Variants in NKAIN3 observed in about 807,000 individuals in gnomAD.
The protein encoded by NKAIN3 is sodium/potassium-transporting ATPase subunit beta-1-interacting protein 3.
Under a neutral mutation model 30.2 loss-of-function variants are expected in NKAIN3, and 25 were observed. The ratio of observed to expected loss-of-function variants is 0.83; its 90% CI spans 0.60 to 1.16. The LOEUF is 1.16. NKAIN3 is among the 50% of genes most tolerant of loss of function. The pLI is 0.00. For synonymous variants in NKAIN3, 91 were observed against 89.6 expected (o/e 1.02, Z -0.09); for missense variants, 225 against 254.1 (o/e 0.89, Z 0.78).
In NKAIN3 at chr8:62,752,918, G is replaced by A. The variant is rs114383241; in HGVS notation, c.471+5789G>A. 2.7e-3 allele frequency among the ~76,000 whole-genome samples: 418 copies of A among 152,156 alleles called. 2 individuals carry two copies. Among genetic ancestry groups the A allele is most frequent in the African/African-American group, 9.7e-3 (402 of 41,510 alleles). ...CTGTCAAATTATTTCTGATGCAGAC[G>A]CAATTTGTTTGGATTGGTAAGGATA... On this transcript the variant is annotated intron_variant, in intron 4 of 6. Transcript: ENST00000623646.
At chr8:62,561,823 A>G (rs569791550) in intron 1 of NKAIN3, among the ~76,000 whole-genome samples, 2 of 152,318 alleles carry the variant, frequency 1.3e-5, no homozygotes, top group South Asian at 4.1e-4. Flanking sequence ...ACTTTAAAAT[A>G]TGGGGCTTGT....
chr8:62,472,460 A>T (rs1351460424), intron 1 of NKAIN3, among the ~76,000 whole-genome samples: 2 of 152,224 alleles, frequency 1.3e-5, no homozygotes, highest in African/African-American at 4.8e-5. Flanking sequence ...TCTTATGAGA[A>T]TTAAATGAAA....
intron 3 of NKAIN3, among the ~76,000 whole-genome samples, chr8:62,731,439 C>A (rs1053799357): frequency 4.6e-5 from 7 of 152,084 alleles, no homozygotes; most frequent in African/African-American, 1.4e-4. Context: ...ATTGTTTTAA[C>A]CCTCAATACA....
intron 5 of NKAIN3, among the ~76,000 whole-genome samples, chr8:62,934,927 A>G (rs1464434099): frequency 1.3e-5 from 2 of 152,142 alleles, no homozygotes; most frequent in African/African-American, 4.8e-5. Flanking sequence ...TGACCTGCCC[A>G]TGGACTATTC....
chr8:62,865,639 G>T (rs1820393979), intron 4 of NKAIN3, among the ~76,000 whole-genome samples: 2 of 152,226 alleles, frequency 1.3e-5, no homozygotes, highest in South Asian at 4.1e-4. Flanking sequence ...GGCAGGGTTT[G>T]TGACTATCTA....
chr8:62,870,666 TAG>T (rs1820603744), intron 4 of NKAIN3, among the ~76,000 whole-genome samples: 3 of 133,668 alleles, frequency 2.2e-5, no homozygotes, highest in African/African-American at 3.1e-5. Flanking sequence ...TAGATATATA[TAG>T]ATATCTATAT....
intron 4 of NKAIN3, among the ~76,000 whole-genome samples, chr8:62,883,456 G>GTTTTTTTTTT (rs1563611107): frequency 1.2e-4 from 2 of 17,228 alleles, no homozygotes; most frequent in African/African-American, 1.4e-3. Flanking sequence ...GAGTTTTATG[G>GTTTTTTTTTT]GTTTTTTTTT....
chr8:62,310,890 TAAAAA>T (rs1814406389), intron 1 of NKAIN3, among the ~76,000 whole-genome samples: 2 of 150,342 alleles, frequency 1.3e-5, no homozygotes. Flanking sequence ...CTCCAAAGAT[TAAAAA>T]TATTCCTCTT....
intron 4 of NKAIN3, among the ~76,000 whole-genome samples, chr8:62,764,127 G>A (rs1816760620): frequency 6.6e-6 from 1 of 152,166 alleles, no homozygotes; most frequent in Non-Finnish European, 1.5e-5. Flanking sequence ...CCTTTGGGTT[G>A]GATTTAGATG....
At position 62,870,240 on chromosome 8, in the gene NKAIN3, C is replaced by CTATATCTATATCTATA. The variant is rs1480426242; in HGVS notation, c.472-48209_472-48208insTCTATATCTATATATA. On this transcript the variant is annotated intron_variant, in intron 4 of 6. Coordinates refer to ENST00000623646, the MANE Select transcript of NKAIN3 (RefSeq NM_001304533.3). ...TATATCTATATCTATATATAGATAT[C>CTATATCTATATCTATA]TATAGATATCTATATATATATCTAT... Among the ~76,000 whole-genome samples, 422 of 114,322 alleles carry CTATATCTATATCTATA rather than the reference C, an allele frequency of 3.7e-3. 25 individuals carry two copies. The highest frequency in any genetic ancestry group is 0.016 in the African/African-American group (404 of 25,598). 75.0% of individuals were successfully genotyped at this position (114,322 alleles called of 152,430 possible).
intron 4 of NKAIN3, among the ~76,000 whole-genome samples, chr8:62,865,609 T>A (rs1317307946): frequency 1.3e-5 from 2 of 152,210 alleles, no homozygotes; most frequent in Non-Finnish European, 2.9e-5. Flanking sequence ...TAATGAGAAA[T>A]ACTTTCCCCT....
At chr8:62,806,309 T>C (rs1818278971) in intron 4 of NKAIN3, among the ~76,000 whole-genome samples, 1 of 152,206 alleles carries the variant, frequency 6.6e-6, no homozygotes, top group Admixed American at 6.5e-5. Flanking sequence ...ACTGGGTATA[T>C]ACCGAAAGGA....
At chr8:62,323,482 T>G (rs933433086) in intron 1 of NKAIN3, among the ~76,000 whole-genome samples, 2 of 152,354 alleles carry the variant, frequency 1.3e-5, no homozygotes, top group South Asian at 4.1e-4. Flanking sequence ...ATAACAAGAA[T>G]GCTGTGAGTC....
intron 4 of NKAIN3, among the ~76,000 whole-genome samples, chr8:62,846,083 A>C (rs917998584): frequency 1.3e-5 from 2 of 152,134 alleles, no homozygotes; most frequent in African/African-American, 4.8e-5. Context: ...ATTCTTAAAA[A>C]TTCATCTATG....
At chr8:62,273,548 T>C (rs1382522792) in intron 1 of NKAIN3, among the ~76,000 whole-genome samples, 1 of 152,218 alleles carries the variant, frequency 6.6e-6, no homozygotes, top group Non-Finnish European at 1.5e-5. Context: ...GACAGTTCTT[T>C]CTGTTCTTTA....
At chr8:62,942,092 A>G (rs1417108714) in intron 5 of NKAIN3, among the ~76,000 whole-genome samples, 1 of 151,548 alleles carries the variant, frequency 6.6e-6, no homozygotes, top group African/African-American at 2.4e-5. Flanking sequence ...AATATACACA[A>G]ATCAGTAGCA....
chr8:62,926,859 C>T (rs1173562773), intron 5 of NKAIN3, among the ~76,000 whole-genome samples: 1 of 152,174 alleles, frequency 6.6e-6, no homozygotes, highest in Non-Finnish European at 1.5e-5. Flanking sequence ...TGTCCCGTGG[C>T]TTTTGTGGCT....
At chr8:62,267,086 T>A (rs994447471) in intron 1 of NKAIN3, among the ~76,000 whole-genome samples, 4 of 152,242 alleles carry the variant, frequency 2.6e-5, no homozygotes, top group African/African-American at 9.6e-5. Context: ...CTGCCCTGCA[T>A]CACATCCATC....
rs539174573 is a variant in NKAIN3, at chr8:62,800,797, C to T, written c.471+53668C>T. ...GTAGGTGCAGTGCACCATGCGCAAG[C>T]TGAAGCAGGGCGAGGCATTGCCTCA... On this transcript the variant is annotated intron_variant, in intron 4 of 6. Transcript: ENST00000623646. Among the ~76,000 whole-genome samples the T allele has an allele frequency of 7.2e-5, 11 of 152,274 alleles. No individual in the cohort carries two copies. In the South Asian group the frequency reaches 2.3e-3, roughly 32 times the overall value.
Sources: gnomAD v4.1 joint callset for allele counts (sites outside exome capture counted in the v4.1 genomes callset) on GRCh38, gnomAD v4.1.1 for gene constraint, MANE v1.5 for transcripts, NCBI Gene and HGNC (gene_info 2026-07-23, HGNC 2026-07-21) for gene names.